PCDHGB2: variants seen among roughly 807,000 people sequenced by gnomAD.
PCDHGB2 encodes the protein protocadherin gamma-B2.
A neutral mutation model predicts 59.3 loss-of-function variants in PCDHGB2; 55 were observed. That is an observed-to-expected ratio of 0.93 (90% CI 0.75 to 1.16). The LOEUF (loss-of-function observed/expected upper bound fraction) is 1.16, where lower values mean the gene tolerates loss of function less well. Ranked by LOEUF, PCDHGB2 falls within the 50% of genes most tolerant of loss-of-function variation. The probability of loss-of-function intolerance (pLI) is 0.00; values close to 1 mark genes in which losing one functional copy is unlikely to be tolerated. For missense variants in PCDHGB2, 1,228 were observed against 1,198.5 expected, an observed-to-expected ratio of 1.02 and a Z score of -0.36; for synonymous variants, 516 against 512.0, an observed-to-expected ratio of 1.01 and a Z score of -0.11.
intron 1 of PCDHGB2, among the ~76,000 whole-genome samples, chr5:141,473,611 G>C (rs2099325261): frequency 6.6e-6 from 1 of 152,140 alleles, no homozygotes; most frequent in Non-Finnish European, 1.5e-5. Context: ...GCAAAGCAAA[G>C]GGAGGGAGGA....
chr5:141,363,477 T>G (rs1011595673), intron 1 of PCDHGB2, among the ~76,000 whole-genome samples: 9 of 152,238 alleles, frequency 5.9e-5, no homozygotes, highest in Non-Finnish European at 1.0e-4. Context: ...CATGCTTTCC[T>G]GCATGGATGA....
chr5:141,490,196 A>G lies in PCDHGB2; in HGVS notation c.2422-4611A>G, dbSNP rs748858034. On this transcript the variant is annotated intron_variant, in intron 1 of 3. Coordinates refer to ENST00000522605, the MANE Select transcript of PCDHGB2 (RefSeq NM_018923.3). The surrounding 1 kb of genome is among the most constrained non-coding windows in gnomAD (Gnocchi z 5.4). ...GAGGAGTCACGTTTCTATGAAATTCATGCAAGAGCCCGTGACCAGGGACAG... is the reference window on the plus strand; with the variant it reads ...GAGGAGTCACGTTTCTATGAAATTCGTGCAAGAGCCCGTGACCAGGGACAG... The G allele has an allele frequency of 3.7e-6, 6 of 1,614,196 alleles. No individual in the cohort carries two copies. The highest frequency in any genetic ancestry group is 4.2e-6 in the Non-Finnish European group (5 of 1,180,020).
chr5:141,476,417 C>A lies in PCDHGB2; in HGVS notation c.2422-18390C>A. ...GGATCGAGAGGAGCTGTGTGGGACA[C>A]TGCCCTCTTGCACTGTAACTCTGGA... is the stretch of plus-strand genomic sequence containing the variant. On this transcript the variant is annotated intron_variant, in intron 1 of 3. Coordinates refer to ENST00000522605, the MANE Select transcript of PCDHGB2 (RefSeq NM_018923.3). This position sits in a 1 kb window ranked among gnomAD's most constrained non-coding sequence, Gnocchi z 7.6. The A allele has an allele frequency of 6.2e-7, 1 of 1,614,112 alleles. No homozygotes were observed. The highest frequency in any genetic ancestry group is 8.5e-7 in the Non-Finnish European group (1 of 1,179,994).
At chr5:141,418,136 G>C (rs1218707482) in intron 1 of PCDHGB2, 15 of 1,613,984 alleles carry the variant, frequency 9.3e-6, no homozygotes, top group Non-Finnish European at 1.1e-5. Flanking sequence ...AATAGACCGT[G>C]AGCAAATATG....
chr5:141,375,048 G>A (rs1457528416), intron 1 of PCDHGB2: 4 of 1,614,022 alleles, frequency 2.5e-6, no homozygotes, highest in South Asian at 1.1e-5. Flanking sequence ...GTTGAAGCCC[G>A]GGATGGGCCA....
Position 141,361,112 on chromosome 5 carries a change from A to C in PCDHGB2, c.977A>C (p.Asp326Ala). 6.2e-7 allele frequency: 1 copy of C among 1,613,908 alleles called. No individual in the cohort carries two copies. Among genetic ancestry groups the C allele is most frequent in the East Asian group, 2.2e-5 (1 of 44,900 alleles). The change falls in exon 1 of 4, where the codon GAT (aspartate) becomes GCT (alanine). Residue 326 changes from aspartate (D) to alanine (A), a missense_variant. Physicochemically the swap from Asp to Ala is moderately radical, Grantham distance 126. This residue lies in a region of PCDHGB2 where 781 missense variants were observed against 721.6 expected (regional missense o/e 1.08). Transcript: ENST00000522605. ...TLSIEAKDPG[D>A]LAAHCSIQVE... ...AGTATCGAAGCAAAAGATCCTGGAG[A>C]TCTAGCAGCCCACTGCAGTATCCAA...
At chr5:141,452,554 G>A (rs2098744143) in intron 1 of PCDHGB2, among the ~76,000 whole-genome samples, 1 of 152,140 alleles carries the variant, frequency 6.6e-6, no homozygotes, top group Admixed American at 6.5e-5. Context: ...TCCAGTTCTG[G>A]TTCTTCCTAG....
intron 1 of PCDHGB2, chr5:141,403,431 C>T: frequency 6.2e-7 from 1 of 1,614,028 alleles, no homozygotes; most frequent in Non-Finnish European, 8.5e-7. Context: ...GCTATTGATC[C>T]GGATGTTGGC....
intron 1 of PCDHGB2, chr5:141,400,120 C>T: frequency 1.2e-6 from 2 of 1,614,076 alleles, no homozygotes; most frequent in Non-Finnish European, 1.7e-6. Flanking sequence ...TGACAGCTTG[C>T]AGGAGGTGCT....
chr5:141,368,346 CACACACATATATAT>C (rs1161760512), intron 1 of PCDHGB2, among the ~76,000 whole-genome samples: 26 of 152,176 alleles, frequency 1.7e-4, no homozygotes, highest in South Asian at 1.4e-3. Context: ...TATACATATA[CACACACATATATAT>C]ACACACATAT....
chr5:141,444,350 T>C (rs1021358194), intron 1 of PCDHGB2, among the ~76,000 whole-genome samples: 7 of 151,946 alleles, frequency 4.6e-5, no homozygotes, highest in Admixed American at 2.0e-4. Context: ...TTTGTATTTT[T>C]AGTAGAGACG....
At chr5:141,484,789 A>T (rs1215899787) in intron 1 of PCDHGB2, among the ~76,000 whole-genome samples, 1 of 152,132 alleles carries the variant, frequency 6.6e-6, no homozygotes, top group Non-Finnish European at 1.5e-5. Flanking sequence ...CCACAGAGAT[A>T]ACAACCCGTG....
At chr5:141,451,712 C>G (rs769620335) in intron 1 of PCDHGB2, among the ~76,000 whole-genome samples, 2 of 151,994 alleles carry the variant, frequency 1.3e-5, no homozygotes, top group African/African-American at 4.8e-5. Context: ...CAAAACCCTG[C>G]CTCTACTAAA....
intron 1 of PCDHGB2, chr5:141,399,003 A>T: frequency 6.2e-7 from 1 of 1,613,966 alleles, no homozygotes; most frequent in Non-Finnish European, 8.5e-7. Context: ...GTCTGAATTC[A>T]AAGAGCGGAG....
chr5:141,395,034 G>C, intron 1 of PCDHGB2: 1 of 1,614,150 alleles, frequency 6.2e-7, no homozygotes, highest in South Asian at 1.1e-5. Flanking sequence ...CTCACATTTT[G>C]TGGGTGTTGA....
chr5:141,490,936 C>T lies in PCDHGB2; in HGVS notation c.2422-3871C>T. 6.2e-7 allele frequency: 1 copy of T among 1,613,694 alleles called. No individual in the cohort carries two copies. On this transcript the variant is annotated intron_variant, in intron 1 of 3. Transcript: ENST00000522605. The surrounding 1 kb of genome is among the most constrained non-coding windows in gnomAD (Gnocchi z 5.4). ...GAATGATAATGCCCCAGCTGTGCTG[C>T]ACCCACGGCCAGACTGGGAACACTC...
chr5:141,487,340 G>A lies in PCDHGB2; in HGVS notation c.2422-7467G>A, dbSNP rs2099643329. 6.2e-7 allele frequency: 1 copy of A among 1,614,182 alleles called. No individual in the cohort carries two copies. Among genetic ancestry groups the A allele is most frequent in the Admixed American group, 1.7e-5 (1 of 60,024 alleles). The stretch of plus-strand genomic sequence containing the variant: ...GTGTCTTCGTGGGGCAGCCTGTGGA[G>A]TCACATGCTTTCCTGCTGGCACCTG... On this transcript the variant is annotated intron_variant, in intron 1 of 3. Coordinates refer to ENST00000522605, the MANE Select transcript of PCDHGB2 (RefSeq NM_018923.3). This position sits in a 1 kb window ranked among gnomAD's most constrained non-coding sequence, Gnocchi z 5.0.
chr5:141,402,921 T>C (rs1486440819), intron 1 of PCDHGB2: 1 of 1,575,122 alleles, frequency 6.3e-7, no homozygotes. Context: ...CGCACAGAGA[T>C]CCTTTTGAGA....
At chr5:141,381,989 C>G (rs1013941230) in intron 1 of PCDHGB2, among the ~76,000 whole-genome samples, 13 of 151,916 alleles carry the variant, frequency 8.6e-5, no homozygotes, top group Admixed American at 7.2e-4. Flanking sequence ...GCCACCACGC[C>G]CGGATAATTT....
Sources: gnomAD v4.1 joint callset for allele counts (sites outside exome capture counted in the v4.1 genomes callset) on GRCh38, gnomAD v4.1.1 for gene constraint, gnomAD v4.1.1 regional missense constraint, Gnocchi (gnomAD v3.1) non-coding constraint, MANE v1.5 for transcripts, NCBI Gene and HGNC (gene_info 2026-07-23, HGNC 2026-07-21) for gene names.